Variants in PLEK observed in about 807,000 individuals in gnomAD.
PLEK encodes the protein platelet 47 kDa protein.
PLEK carries 25 observed loss-of-function variants against 43.9 expected under a neutral mutation model. The observed-to-expected ratio is 0.57, with a 90% CI of 0.41 to 0.79. The LOEUF is 0.79. Among genes scored for constraint, PLEK ranks in the 30% least tolerant of loss-of-function variants. The pLI is 0.00. For missense variants in PLEK, 396 were observed against 413.3 expected, an observed-to-expected ratio of 0.96 and a Z score of 0.36; for synonymous variants, 152 against 144.4, an observed-to-expected ratio of 1.05 and a Z score of -0.38.
At chr2:68,387,556 A>T (rs72894196) in intron 5 of PLEK, among the ~76,000 whole-genome samples, 3,562 of 152,304 alleles carry the variant, frequency 0.023, 68 homozygotes, top group Admixed American at 0.069. Context: ...CTCCCACAGT[A>T]TGCTTACCCA....
At chr2:68,381,377 G>A (rs771713747) in intron 3 of PLEK, among the ~76,000 whole-genome samples, 2 of 152,146 alleles carry the variant, frequency 1.3e-5, no homozygotes, top group Non-Finnish European at 2.9e-5. Context: ...TTTAATGGCC[G>A]CTGATGTTGG....
At chr2:68,382,035 T>C (rs1673628969) in intron 3 of PLEK, among the ~76,000 whole-genome samples, 1 of 152,212 alleles carries the variant, frequency 6.6e-6, no homozygotes, top group South Asian at 2.1e-4. Context: ...TTCTCACCAT[T>C]TTGCCTTATA....
Position 68,396,156 on chromosome 2 carries a change from A to C in PLEK, c.*340A>C. On this transcript the variant is annotated 3_prime_UTR_variant, in exon 9 of 9. Coordinates refer to ENST00000234313, the MANE Select transcript of PLEK (RefSeq NM_002664.3). ...TGAGGTCCCCCTAGCTTAAAAAAAA[A>C]AAAAATCTGCCCCATGATTCTAACA... 5.1e-6 allele frequency: 1 copy of C among 196,310 alleles called. No individual in the cohort carries two copies. Among genetic ancestry groups the C allele is most frequent in the Non-Finnish European group, 1.1e-5 (1 of 94,544 alleles). 12.2% of individuals were successfully genotyped at this position (196,310 alleles called of 1,614,324 possible). A position where few individuals can be genotyped will look rare whatever the true frequency, so the allele number is the denominator to read the frequency against.
At chr2:68,386,266 G>A (rs1436112815) in intron 4 of PLEK, among the ~76,000 whole-genome samples, 1 of 151,964 alleles carries the variant, frequency 6.6e-6, no homozygotes, top group Non-Finnish European at 1.5e-5. Context: ...ACCTGGTCAT[G>A]TGTTTCTTCT....
intron 4 of PLEK, among the ~76,000 whole-genome samples, chr2:68,383,601 C>A (rs901807247): frequency 6.6e-6 from 1 of 152,042 alleles, no homozygotes; most frequent in Non-Finnish European, 1.5e-5. Context: ...GCAGAATATG[C>A]ATCTAGAAAA....
intron 1 of PLEK, among the ~76,000 whole-genome samples, chr2:68,373,244 A>T (rs1240850858): frequency 6.6e-6 from 1 of 152,152 alleles, no homozygotes; most frequent in African/African-American, 2.4e-5. Context: ...GACCTAACTC[A>T]GCACTATCAG....
chr2:68,395,894 A>G lies in PLEK; in HGVS notation c.*78A>G. 7.5e-7 allele frequency: 1 copy of G among 1,334,770 alleles called. No homozygotes were observed. Among genetic ancestry groups the G allele is most frequent in the South Asian group, 1.2e-5 (1 of 83,818 alleles). 82.7% of individuals were successfully genotyped at this position (1,334,770 alleles called of 1,614,324 possible). ...AGTCCAGGACCTGTCCACTTCTGTG[A>G]CAAATCAACGGGAAACAGCCCAGGG... is the stretch of plus-strand genomic sequence containing the variant. On this transcript the variant is annotated 3_prime_UTR_variant, in exon 9 of 9. Transcript: ENST00000234313.
At chr2:68,386,805 C>A (rs1368959435) in intron 5 of PLEK, 119 bp downstream of exon 5, 7 of 717,358 alleles carry the variant, frequency 9.8e-6, no homozygotes, top group Non-Finnish European at 1.7e-5. Context: ...GGGAGGTCAG[C>A]CAGGAAGAAC....
chr2:68,386,838 G>A, intron 5 of PLEK, 152 bp downstream of exon 5: 2 of 597,558 alleles, frequency 3.3e-6, no homozygotes, highest in Non-Finnish European at 6.0e-6. Flanking sequence ...GAAGCTCCCA[G>A]GCCCATTTAG....
At chr2:68,379,493 AAAAT>A (rs1205427149) in intron 1 of PLEK, among the ~76,000 whole-genome samples, 10 of 152,176 alleles carry the variant, frequency 6.6e-5, no homozygotes, top group African/African-American at 2.2e-4. Context: ...TAAACATGTA[AAAAT>A]AAATAAAGAC....
chr2:68,385,001 G>T (rs1372624723), intron 4 of PLEK, among the ~76,000 whole-genome samples: 3 of 152,180 alleles, frequency 2.0e-5, no homozygotes, highest in Non-Finnish European at 2.9e-5. Flanking sequence ...CTATCCAACT[G>T]CTGTCACTCC....
intron 1 of PLEK, among the ~76,000 whole-genome samples, chr2:68,367,173 TTTACAAG>T (rs1239466902): frequency 5.3e-5 from 8 of 152,198 alleles, no homozygotes; most frequent in Admixed American, 4.6e-4. Context: ...AATTTTCATG[TTTACAAG>T]TTACATCTTC....
At chr2:68,378,085 A>G (rs1673539860) in intron 1 of PLEK, among the ~76,000 whole-genome samples, 1 of 152,228 alleles carries the variant, frequency 6.6e-6, no homozygotes, top group African/African-American at 2.4e-5. Flanking sequence ...TGTATAATGT[A>G]TATGTACATT....
Position 68,396,605 on chromosome 2 carries a change from C to T in PLEK, c.*789C>T, listed in dbSNP as rs111379308. 1 of 152,214 alleles carries T rather than the reference C, an allele frequency of 6.6e-6. No individual in the cohort carries two copies. Among genetic ancestry groups the T allele is most frequent in the Non-Finnish European group, 1.5e-5 (1 of 68,036 alleles). 9.4% of individuals were successfully genotyped at this position (152,214 alleles called of 1,614,324 possible). Reference sequence around the variant, plus strand: ...TATTCCACTCTGGTTTTAGGCTGATCTGAGAGGGTCTCCCTTTGTTCCTTT... The same window carrying T: ...TATTCCACTCTGGTTTTAGGCTGATTTGAGAGGGTCTCCCTTTGTTCCTTT... On this transcript the variant is annotated 3_prime_UTR_variant, in exon 9 of 9. Coordinates refer to ENST00000234313, the MANE Select transcript of PLEK (RefSeq NM_002664.3).
chr2:68,391,178 A>G (rs1348808202), intron 6 of PLEK, among the ~76,000 whole-genome samples: 2 of 152,224 alleles, frequency 1.3e-5, no homozygotes, highest in African/African-American at 4.8e-5. Flanking sequence ...TAAGTGAAAG[A>G]TGACCAGAAA....
In PLEK at chr2:68,395,674, C is replaced by A; in HGVS notation, c.917-6C>A. 6.2e-7 allele frequency: 1 copy of A among 1,613,950 alleles called. No homozygotes were observed. Among genetic ancestry groups the A allele is most frequent in the Non-Finnish European group, 8.5e-7 (1 of 1,179,912 alleles). On this transcript the variant is annotated splice_region_variant and splice_polypyrimidine_tract_variant and intron_variant, in intron 8 of 8. Transcript: ENST00000234313. ...GCGTGCTGCCATTTGCCTTCTCTTT[C>A]CCCAGGCAGGAAGAGTGAGGAAGAG... is the stretch of plus-strand genomic sequence containing the variant.
chr2:68,391,483 T>C (rs758717225), intron 6 of PLEK, among the ~76,000 whole-genome samples: 12 of 152,210 alleles, frequency 7.9e-5, no homozygotes, highest in Non-Finnish European at 1.0e-4. Flanking sequence ...GCAAAAGCCA[T>C]TTTGGACATG....
intron 1 of PLEK, among the ~76,000 whole-genome samples, chr2:68,370,323 A>G (rs905141666): frequency 2.6e-5 from 4 of 152,280 alleles, no homozygotes; most frequent in Non-Finnish European, 5.9e-5. Context: ...ACCCTCAGCC[A>G]TTGGTTGTAG....
intron 1 of PLEK, among the ~76,000 whole-genome samples, chr2:68,369,482 C>CTTT (rs367660375): frequency 5.2e-5 from 7 of 135,128 alleles, no homozygotes; most frequent in African/African-American, 1.9e-4. Flanking sequence ...AAACCGTACT[C>CTTT]TTTTTTTTTT....
Sources: allele counts gnomAD v4.1 joint callset (sites outside exome capture counted in the v4.1 genomes callset), GRCh38; gene constraint gnomAD v4.1.1; transcripts MANE v1.5; gene names NCBI Gene and HGNC (gene_info 2026-07-23, HGNC 2026-07-21).